The following PRKCB variants were observed in gnomAD, a reference collection of about 807,000 sequenced individuals.
PRKCB encodes protein kinase C beta.
A neutral mutation model predicts 81.5 loss-of-function variants in PRKCB; 13 were observed. That is an observed-to-expected ratio of 0.16 (90% CI 0.10 to 0.25). PRKCB has a LOEUF of 0.25. Among genes scored for constraint, PRKCB ranks in the 10% least tolerant of loss-of-function variants. The pLI is 1.00. For missense variants in PRKCB, 509 were observed against 875.7 expected, an observed-to-expected ratio of 0.58 and a Z score of 5.29; for synonymous variants, 335 against 321.4, an observed-to-expected ratio of 1.04 and a Z score of -0.45.
rs865876783 is a variant in PRKCB at position 23,984,622 on chromosome 16, G to A, written c.206-3886G>A. On this transcript the variant is annotated intron_variant, in intron 2 of 16. Coordinates refer to ENST00000643927, the MANE Select transcript of PRKCB (RefSeq NM_002738.7). Reference sequence around the variant, plus strand: ...CACAAACTTCTGGAAAAAAAATAACGAGAGACTACCTAACAATGCAATATG... The same window carrying A: ...CACAAACTTCTGGAAAAAAAATAACAAGAGACTACCTAACAATGCAATATG... Among the ~76,000 whole-genome samples, 5 of 151,990 alleles carry A rather than the reference G, an allele frequency of 3.3e-5. No individual in the cohort carries two copies. In the South Asian group the frequency reaches 1.0e-3, roughly 32 times the overall value.
chr16:24,084,189 C>A (rs1966286403), intron 5 of PRKCB, among the ~76,000 whole-genome samples: 1 of 151,974 alleles, frequency 6.6e-6, no homozygotes, highest in Admixed American at 6.6e-5. Flanking sequence ...ATGTAGAGAA[C>A]AAATAGCATT....
At chr16:23,969,684 CATT>C (rs1227428370) in intron 2 of PRKCB, among the ~76,000 whole-genome samples, 2 of 152,176 alleles carry the variant, frequency 1.3e-5, no homozygotes, top group African/African-American at 4.8e-5. Flanking sequence ...TCATCATCAT[CATT>C]ATCATCATCA....
Position 24,215,986 on chromosome 16 carries a change from TAAAA to T in PRKCB, c.*1182_*1185del. 1 of 908,412 alleles carries T rather than the reference TAAAA, an allele frequency of 1.1e-6. No individual in the cohort carries two copies. Among genetic ancestry groups the T allele is most frequent in the Non-Finnish European group, 1.3e-6 (1 of 776,536 alleles). 56.3% of individuals were successfully genotyped at this position (908,412 alleles called of 1,614,324 possible). On this transcript the variant is annotated 3_prime_UTR_variant, in exon 17 of 17. Coordinates refer to ENST00000643927, the MANE Select transcript of PRKCB (RefSeq NM_002738.7). Reference sequence around the variant, plus strand: ...TTTTTCTTCTAGCATCGAGATACAATAAAAAAAAAAAAAAAGAAAAGAAGAAGAA... The same window carrying T: ...TTTTTCTTCTAGCATCGAGATACAATAAAAAAAAAAAGAAAAGAAGAAGAA...
intron 2 of PRKCB, among the ~76,000 whole-genome samples, chr16:23,958,711 T>A (rs1181093664): frequency 6.6e-6 from 1 of 152,018 alleles, no homozygotes; most frequent in African/African-American, 2.4e-5. Context: ...CTCCTCTTCT[T>A]CTTTCTCCTC....
chr16:24,023,612 C>T (rs1965437536), intron 3 of PRKCB, among the ~76,000 whole-genome samples: 1 of 152,140 alleles, frequency 6.6e-6, no homozygotes, highest in Admixed American at 6.5e-5. Flanking sequence ...TCGTGATCCG[C>T]CAGCCTCGGC....
intron 5 of PRKCB, among the ~76,000 whole-genome samples, chr16:24,089,299 G>C (rs1273208232): frequency 6.6e-6 from 1 of 152,084 alleles, no homozygotes; most frequent in Admixed American, 6.5e-5. Flanking sequence ...TGTGGGGGTG[G>C]GTGCCAGATA....
At chr16:24,166,089 G>A (rs1288545664) in intron 10 of PRKCB, among the ~76,000 whole-genome samples, 1 of 151,792 alleles carries the variant, frequency 6.6e-6, no homozygotes, top group Non-Finnish European at 1.5e-5. Flanking sequence ...GTTTCTCCAT[G>A]TTGGCCAGGC....
At chr16:24,136,034 T>C (rs985672784) in intron 9 of PRKCB, among the ~76,000 whole-genome samples, 1 of 152,080 alleles carries the variant, frequency 6.6e-6, no homozygotes, top group Non-Finnish European at 1.5e-5. Context: ...ATTATGTCAC[T>C]TCCCTGCCCC....
At chr16:23,907,758 C>T (rs66923906) in intron 2 of PRKCB, among the ~76,000 whole-genome samples, 22,999 of 152,042 alleles carry the variant, frequency 0.15, 2,242 homozygotes, top group East Asian at 0.36. Flanking sequence ...CGGTCGACTC[C>T]GGGAGGAACA....
intron 2 of PRKCB, among the ~76,000 whole-genome samples, chr16:23,915,691 A>T (rs1390195580): frequency 7.2e-6 from 1 of 138,668 alleles, no homozygotes; most frequent in African/African-American, 2.9e-5. Flanking sequence ...CTCTCTATCA[A>T]AAAAAAAAAA....
chr16:24,139,198 A>T (rs377257134), intron 9 of PRKCB, among the ~76,000 whole-genome samples: 1 of 133,840 alleles, frequency 7.5e-6, no homozygotes, highest in Non-Finnish European at 1.6e-5. Flanking sequence ...TAGGATAAGG[A>T]TAAGGTGCTC....
chr16:24,173,275 A>G (rs969051794), intron 11 of PRKCB, among the ~76,000 whole-genome samples: 1 of 152,182 alleles, frequency 6.6e-6, no homozygotes. Context: ...TTTTTAGAAC[A>G]CAGATTTCAT....
chr16:24,034,256 A>T (rs2141856368), intron 4 of PRKCB, among the ~76,000 whole-genome samples: 1 of 152,168 alleles, frequency 6.6e-6, no homozygotes, highest in East Asian at 1.9e-4. Flanking sequence ...CCTCCCCACA[A>T]CTCATTTCTA....
Position 24,194,683 on chromosome 16 carries a change from T to C in PRKCB, c.1863+3453T>C, listed in dbSNP as rs1445551493. On this transcript the variant is annotated intron_variant, in intron 16 of 16. Transcript: ENST00000643927. The stretch of plus-strand genomic sequence containing the variant: ...AGGTAGCTGTTATTATCATTGATAA[T>C]ATAAAAAGATTACAATACTTAGTCA... Among the ~76,000 whole-genome samples, 7 of 150,720 alleles carry C rather than the reference T, an allele frequency of 4.6e-5. No individual in the cohort carries two copies. In the East Asian group the frequency reaches 1.3e-3, roughly 29 times the overall value.
At chr16:23,965,422 C>G (rs1964474976) in intron 2 of PRKCB, among the ~76,000 whole-genome samples, 1 of 152,192 alleles carries the variant, frequency 6.6e-6, no homozygotes, top group South Asian at 2.1e-4. Flanking sequence ...GATTTCTTGT[C>G]TTTGCTATTG....
At chr16:24,014,175 T>A (rs190263827) in intron 3 of PRKCB, among the ~76,000 whole-genome samples, 7 of 152,148 alleles carry the variant, frequency 4.6e-5, no homozygotes, top group Non-Finnish European at 7.4e-5. Flanking sequence ...AGTTGAATAA[T>A]CTTATGTTGT....
intron 13 of PRKCB, among the ~76,000 whole-genome samples, chr16:24,184,328 G>A (rs1261635648): frequency 1.3e-5 from 2 of 152,042 alleles, no homozygotes; most frequent in Non-Finnish European, 2.9e-5. Context: ...GTGAGCACCT[G>A]TAGTCCCAAC....
At chr16:24,139,327 A>G (rs1966879391) in intron 9 of PRKCB, among the ~76,000 whole-genome samples, 2 of 152,226 alleles carry the variant, frequency 1.3e-5, no homozygotes, top group Admixed American at 6.5e-5. Context: ...GACACAGCCC[A>G]GAGTGTGAAA....
At position 23,899,737 on chromosome 16, in the gene PRKCB, A is replaced by G. The variant is rs1264052847; in HGVS notation, c.205+62331A>G. ...TCACTATATTCAAAATCCTGGGCTC[A>G]TGCGATCCTCCCACCTCAGCCTTCT... is the stretch of plus-strand genomic sequence containing the variant. On this transcript the variant is annotated intron_variant, in intron 2 of 16. Coordinates refer to ENST00000643927, the MANE Select transcript of PRKCB (RefSeq NM_002738.7). 2.5e-5 allele frequency among the ~76,000 whole-genome samples: 2 copies of G among 78,814 alleles called. 1 individual carries two copies. The highest frequency in any genetic ancestry group is 6.8e-4 in the East Asian group (2 of 2,928). The allele number at this position is 78,814 out of a possible 152,430, so 51.7% of individuals were successfully genotyped here.
Sources: allele counts gnomAD v4.1 joint callset (sites outside exome capture counted in the v4.1 genomes callset), GRCh38; gene constraint gnomAD v4.1.1; transcripts MANE v1.5; gene names NCBI Gene and HGNC (gene_info 2026-07-23, HGNC 2026-07-21).